Variants in FAF1 observed in about 807,000 individuals in gnomAD.
The protein encoded by FAF1 is FAS-associated factor 1.
Under a neutral mutation model 92.5 loss-of-function variants are expected in FAF1, and 25 were observed. The ratio of observed to expected loss-of-function variants is 0.27; its 90% confidence interval spans 0.20 to 0.38. The LOEUF is 0.38. FAF1 is among the 10% of genes least tolerant of loss of function. The pLI is 1.00. For synonymous variants in FAF1, 234 were observed against 273.2 expected (o/e 0.86, Z 1.42); for missense variants, 636 against 793.3 (o/e 0.80, Z 2.38).
At chr1:50,774,352 C>T (rs1569925585) in intron 4 of FAF1, among the ~76,000 whole-genome samples, 1 of 152,150 alleles carries the variant, frequency 6.6e-6, no homozygotes, top group East Asian at 1.9e-4. Context: ...AGGGATAAGG[C>T]ATTTGCCAAA....
chr1:50,937,188 T>A (rs1645091960), intron 1 of FAF1, among the ~76,000 whole-genome samples: 1 of 152,092 alleles, frequency 6.6e-6, no homozygotes, highest in Admixed American at 6.5e-5. Context: ...TAATTGTGCA[T>A]TAATAATAAT....
chr1:50,808,122 A>C (rs954291020), intron 2 of FAF1, among the ~76,000 whole-genome samples: 1 of 152,210 alleles, frequency 6.6e-6, no homozygotes, highest in African/African-American at 2.4e-5. Flanking sequence ...AAAGAAAAAA[A>C]ATTCCAACCA....
chr1:50,734,098 T>A (rs1659040613), intron 6 of FAF1, among the ~76,000 whole-genome samples: 1 of 152,156 alleles, frequency 6.6e-6, no homozygotes, highest in East Asian at 1.9e-4. Flanking sequence ...CACTCAGTCT[T>A]TGGCCACATT....
intron 2 of FAF1, among the ~76,000 whole-genome samples, chr1:50,839,294 C>T (rs995293619): frequency 1.3e-5 from 2 of 152,064 alleles, no homozygotes; most frequent in Non-Finnish European, 2.9e-5. Flanking sequence ...TTTACAATGA[C>T]CCCAACACCA....
intron 18 of FAF1, among the ~76,000 whole-genome samples, chr1:50,459,716 C>T (rs1041365950): frequency 6.6e-6 from 1 of 152,180 alleles, no homozygotes; most frequent in Non-Finnish European, 1.5e-5. Flanking sequence ...CATATCTGGT[C>T]TCCCTTTTCC....
rs797003930 is a variant in FAF1 at position 50,595,062 on chromosome 1, A to AT, written c.840+1058dup. 6.0e-4 allele frequency among the ~76,000 whole-genome samples: 89 copies of AT among 148,758 alleles called. 1 individual carries two copies. Among genetic ancestry groups the AT allele is most frequent in the Admixed American group, 3.1e-3 (46 of 14,896 alleles). On this transcript the variant is annotated intron_variant, in intron 9 of 18. Coordinates refer to ENST00000396153, the MANE Select transcript of FAF1 (RefSeq NM_007051.3). ...CTATTATTATTATCTTTTTATTTTT[A>AT]TTTTTTTTTGAGATGGAATTTCACT...
intron 1 of FAF1, among the ~76,000 whole-genome samples, chr1:50,954,664 C>T (rs1320138590): frequency 3.3e-5 from 5 of 151,614 alleles, no homozygotes; most frequent in Admixed American, 1.3e-4. Context: ...CCTCAGCCTC[C>T]CACAGCTGGG....
chr1:50,581,859 T>C (rs1650999127), intron 12 of FAF1, among the ~76,000 whole-genome samples: 1 of 152,152 alleles, frequency 6.6e-6, no homozygotes, highest in African/African-American at 2.4e-5. Context: ...AGGCAGGGAA[T>C]GGGAAGAGCT....
At chr1:50,796,357 G>T (rs796329943) in intron 3 of FAF1, among the ~76,000 whole-genome samples, 1 of 150,990 alleles carries the variant, frequency 6.6e-6, no homozygotes, top group Non-Finnish European at 1.5e-5. Context: ...TTTTTTTTAC[G>T]GCACCTTTTC....
chr1:50,551,707 A>G (rs977560679), intron 13 of FAF1, among the ~76,000 whole-genome samples: 1 of 151,010 alleles, frequency 6.6e-6, no homozygotes, highest in Non-Finnish European at 1.5e-5. Flanking sequence ...AAGGCATATA[A>G]TAAGGTGTTC....
chr1:50,939,553 G>A (rs1645113270), intron 1 of FAF1, among the ~76,000 whole-genome samples: 1 of 152,186 alleles, frequency 6.6e-6, no homozygotes, highest in African/African-American at 2.4e-5. Flanking sequence ...ACTATGACCA[G>A]TACTATGATG....
At chr1:50,614,024 G>C (rs1340139033) in intron 8 of FAF1, among the ~76,000 whole-genome samples, 1 of 151,958 alleles carries the variant, frequency 6.6e-6, no homozygotes, top group Non-Finnish European at 1.5e-5. Context: ...TTGAACCTGA[G>C]AGGTGGAGGT....
At chr1:50,731,423 G>A (rs979381855) in intron 6 of FAF1, among the ~76,000 whole-genome samples, 3 of 148,226 alleles carry the variant, frequency 2.0e-5, no homozygotes, top group Non-Finnish European at 4.5e-5. Context: ...GGGCTGGAGT[G>A]TAGTGGTACA....
At chr1:50,931,952 G>A (rs535248475) in intron 1 of FAF1, among the ~76,000 whole-genome samples, 144 of 142,732 alleles carry the variant, frequency 1.0e-3, no homozygotes, top group African/African-American at 3.3e-3. Context: ...TGACTCCCAT[G>A]ATTCAATTAC....
At chr1:50,762,096 C>G (rs1382697445) in intron 4 of FAF1, among the ~76,000 whole-genome samples, 1 of 152,074 alleles carries the variant, frequency 6.6e-6, no homozygotes, top group African/African-American at 2.4e-5. Flanking sequence ...ACAATTGCTT[C>G]AAAGAGAATA....
rs775917503 is a variant in FAF1, at chr1:50,441,482, C to G, written c.1911G>C (p.Lys637Asn). The change falls in exon 19 of 19, where the codon AAG (lysine) becomes AAC (asparagine). Residue 637 changes from lysine (K) to asparagine (N), a missense_variant. Physicochemically the swap from Lys to Asn is moderately conservative, Grantham distance 94. This residue lies in a region of FAF1 where 319 missense variants were observed against 451.0 expected (regional missense o/e 0.71). Coordinates refer to ENST00000396153, the MANE Select transcript of FAF1 (RefSeq NM_007051.3). ...LDPNKSLLEV[K>N]LFPQETLFLE... is the part of the protein sequence containing the mutation. ...GGAAAAGGGTTTCTTGAGGGAACAA[C>G]TTTACCTCCAATAATGATTTATTTG... The G allele has an allele frequency of 1.3e-6, 2 of 1,546,078 alleles. No homozygotes were observed. Among genetic ancestry groups the G allele is most frequent in the East Asian group, 4.9e-5 (2 of 40,840 alleles).
intron 1 of FAF1, among the ~76,000 whole-genome samples, chr1:50,898,981 T>C (rs1325923226): frequency 6.6e-6 from 1 of 152,196 alleles, no homozygotes; most frequent in Non-Finnish European, 1.5e-5. Context: ...AGATTCCAAT[T>C]ACACGTTTTT....
intron 2 of FAF1, chr1:50,846,889 A>T: frequency 2.5e-6 from 1 of 405,028 alleles, no homozygotes; most frequent in East Asian, 6.4e-5. Flanking sequence ...TTCATATTTG[A>T]GCAGCATGGA....
chr1:50,855,869 A>C (rs1337120828), intron 2 of FAF1, among the ~76,000 whole-genome samples: 1 of 151,864 alleles, frequency 6.6e-6, no homozygotes, highest in African/African-American at 2.4e-5. Context: ...GGCCTGATAC[A>C]GTGTATGATT....
Sources: gnomAD v4.1 joint callset for allele counts (sites outside exome capture counted in the v4.1 genomes callset) on GRCh38, gnomAD v4.1.1 for gene constraint, gnomAD v4.1.1 regional missense constraint, MANE v1.5 for transcripts, NCBI Gene and HGNC (gene_info 2026-07-23, HGNC 2026-07-21) for gene names.